Variants in FAM32A observed in about 807,000 individuals in gnomAD.
FAM32A encodes protein FAM32A.
Under a neutral mutation model 15.8 loss-of-function variants are expected in FAM32A, and 9 were observed. That is an observed-to-expected ratio of 0.57 (90% CI 0.34 to 1.00). FAM32A has a LOEUF of 1.00. Among genes scored for constraint, FAM32A ranks in the 50% least tolerant of loss-of-function variants. The pLI, the probability that FAM32A is intolerant of heterozygous loss-of-function variation, is 0.02. For synonymous variants in FAM32A, 64 were observed against 54.9 expected (o/e 1.16, Z -0.73); for missense variants, 113 against 138.3 (o/e 0.82, Z 0.92).
Position 16,185,621 on chromosome 19 carries a change from C to T in FAM32A, c.75-3C>T. Reference sequence around the variant, plus strand: ...CCCGCCGCCTCCTCATGTCTTTTTCCAGGAAGAAGAAAAAGAAGGACAAAG... The same window carrying T: ...CCCGCCGCCTCCTCATGTCTTTTTCTAGGAAGAAGAAAAAGAAGGACAAAG... On this transcript the variant is annotated splice_polypyrimidine_tract_variant and splice_region_variant and intron_variant, in intron 1 of 3. Coordinates refer to ENST00000263384, the MANE Select transcript of FAM32A (RefSeq NM_014077.4). The T allele has an allele frequency of 1.3e-6, 2 of 1,599,858 alleles. No homozygotes were observed. Among genetic ancestry groups the T allele is most frequent in the Non-Finnish European group, 1.7e-6 (2 of 1,172,926 alleles).
At chr19:16,190,634 G>A (rs2091402329) in intron 3 of FAM32A, 61 bp downstream of exon 3, 1 of 1,336,002 alleles carries the variant, frequency 7.5e-7, no homozygotes, top group African/African-American at 1.4e-5. Context: ...GGGCCCAGAG[G>A]CTATCAGCTG....
intron 2 of FAM32A, chr19:16,186,777 C>T (rs1020131900): frequency 2.6e-5 from 4 of 152,226 alleles, no homozygotes; most frequent in Non-Finnish European, 5.9e-5. Flanking sequence ...GTCTCCACCC[C>T]CCTAAACTCC....
intron 2 of FAM32A, among the ~76,000 whole-genome samples, chr19:16,189,668 CTTTTTTTTTTTTT>C (rs71178652): frequency 5.1e-5 from 3 of 58,554 alleles, no homozygotes; most frequent in African/African-American, 2.0e-4. Flanking sequence ...CACTCCAACT[CTTTTTTTTTTTTT>C]TTTTTTTTTT....
intron 2 of FAM32A, 22 bp downstream of exon 2, chr19:16,185,787 C>G (rs775492304): frequency 1.3e-6 from 2 of 1,542,824 alleles, no homozygotes; most frequent in African/African-American, 1.4e-5. Flanking sequence ...CAGAAGGCGG[C>G]GGGGAGGCGG....
chr19:16,189,668 C>CTTTTTTTTTTT lies in FAM32A; in HGVS notation c.217-836_217-826dup, dbSNP rs71178652. The stretch of plus-strand genomic sequence containing the variant: ...TGGCTTTATATCCCACACTCCAACT[C>CTTTTTTTTTTT]TTTTTTTTTTTTTTTTTTTTTTTTT... On this transcript the variant is annotated intron_variant, in intron 2 of 3. Coordinates refer to ENST00000263384, the MANE Select transcript of FAM32A (RefSeq NM_014077.4). 1.9e-4 allele frequency among the ~76,000 whole-genome samples: 11 copies of CTTTTTTTTTTT among 58,554 alleles called. 1 individual carries two copies. The highest frequency in any genetic ancestry group is 2.0e-4 in the African/African-American group (3 of 14,748). 38.4% of individuals were successfully genotyped at this position (58,554 alleles called of 152,430 possible).
At position 16,185,474 on chromosome 19, in the gene FAM32A, C is replaced by G; in HGVS notation, c.32C>G (p.Pro11Arg). 1.3e-6 allele frequency: 2 copies of G among 1,563,090 alleles called. No individual in the cohort carries two copies. Among genetic ancestry groups the G allele is most frequent in the Non-Finnish European group, 1.7e-6 (2 of 1,153,248 alleles). Residue 11 changes from proline (P) to arginine (R), a missense_variant, in exon 1 of 4, where the codon CCC (proline) becomes CGC (arginine). This residue lies in a region of FAM32A where 112 missense variants were observed against 118.6 expected (regional missense o/e 0.94). Coordinates refer to ENST00000263384, the MANE Select transcript of FAM32A (RefSeq NM_014077.4). Reference protein sequence around the residue: MEAYEQVQKGPLKLKGVAELG... With the variant: MEAYEQVQKGRLKLKGVAELG... Reference sequence around the variant, plus strand: ...GCCTACGAGCAGGTCCAAAAGGGACCCCTGAAGCTGAAAGGCGTCGCAGAG... The same window carrying G: ...GCCTACGAGCAGGTCCAAAAGGGACGCCTGAAGCTGAAAGGCGTCGCAGAG...
chr19:16,190,839 C>G, intron 3 of FAM32A, 48 bp from the exon 4 acceptor site: 1 of 1,499,338 alleles, frequency 6.7e-7, no homozygotes, highest in East Asian at 2.3e-5. Flanking sequence ...CTCCCCAGTA[C>G]CCCACTTGGG....
intron 1 of FAM32A, 25 bp from the exon 2 acceptor site, chr19:16,185,599 G>T: frequency 6.3e-7 from 1 of 1,596,674 alleles, no homozygotes; most frequent in East Asian, 2.2e-5. Context: ...CCTCCGACCC[G>T]CCGCCTCCTC....
At position 16,191,175 on chromosome 19, in the gene FAM32A, C is replaced by A. The variant is rs1402636063; in HGVS notation, c.*220C>A. On this transcript the variant is annotated 3_prime_UTR_variant, in exon 4 of 4. Coordinates refer to ENST00000263384, the MANE Select transcript of FAM32A (RefSeq NM_014077.4). ...GCTTCTTGGCAACATACAGAAGATA[C>A]ACCCTTTTCGTTTGGATGGAAAGTT... 4.9e-5 allele frequency: 27 copies of A among 550,778 alleles called. No individual in the cohort carries two copies. The highest frequency in any genetic ancestry group is 3.9e-5 in the Non-Finnish European group (12 of 304,530). The allele number at this position is 550,778 out of a possible 1,614,324, so 34.1% of individuals were successfully genotyped here.
At position 16,185,520 on chromosome 19, in the gene FAM32A, A is replaced by T. The variant is rs1330238484; in HGVS notation, c.74+4A>T. 4 of 1,566,634 alleles carry T rather than the reference A, an allele frequency of 2.6e-6. No individual in the cohort carries two copies. The highest frequency in any genetic ancestry group is 3.5e-6 in the Non-Finnish European group (4 of 1,155,004). Reference sequence around the variant, plus strand: ...CAGAGCTGGGAGTGACCAAGCGGTGAGGCCCGAGGGCCCGCGGGATTCCGT... The same window carrying T: ...CAGAGCTGGGAGTGACCAAGCGGTGTGGCCCGAGGGCCCGCGGGATTCCGT... On this transcript the variant is annotated splice_donor_region_variant and intron_variant, in intron 1 of 3. Transcript: ENST00000263384.
chr19:16,190,439 G>C (rs2091401490), intron 2 of FAM32A, 81 bp from the exon 3 acceptor site: 4 of 960,524 alleles, frequency 4.2e-6, no homozygotes, highest in Non-Finnish European at 6.5e-6. Flanking sequence ...AGCCAGTCTG[G>C]CCAGGCTCCA....
rs1175594365 is a variant in FAM32A, at chr19:16,191,639, C to T, written c.*684C>T. 5 of 152,664 alleles carry T rather than the reference C, an allele frequency of 3.3e-5. No individual in the cohort carries two copies. The East Asian group carries it at 9.6e-4, about 29-fold the overall frequency. 9.5% of individuals were successfully genotyped at this position (152,664 alleles called of 1,614,324 possible). A position where few individuals can be genotyped will look rare whatever the true frequency, so the allele number is the denominator to read the frequency against. On this transcript the variant is annotated 3_prime_UTR_variant, in exon 4 of 4. Transcript: ENST00000263384. Reference sequence around the variant, plus strand: ...GTTGCCATAGCAGACGCTGCTAATGCATCACAGCATTCTTTGAAATGGAAC... The same window carrying T: ...GTTGCCATAGCAGACGCTGCTAATGTATCACAGCATTCTTTGAAATGGAAC...
chr19:16,185,427 A>G lies in FAM32A; in HGVS notation c.-16A>G, dbSNP rs2091380567. ...GGAAGTGTGGCACTCCAGCTACCGA[A>G]GCACTGGAGAGTGTCATGGAGGCCT... On this transcript the variant is annotated 5_prime_UTR_variant, in exon 1 of 4. Transcript: ENST00000263384. The G allele has an allele frequency of 6.4e-7, 1 of 1,550,964 alleles. No homozygotes were observed. The highest frequency in any genetic ancestry group is 1.4e-5 in the African/African-American group (1 of 73,210).
intron 2 of FAM32A, among the ~76,000 whole-genome samples, chr19:16,187,784 T>G (rs1001848880): frequency 6.9e-6 from 1 of 144,554 alleles, no homozygotes; most frequent in Non-Finnish European, 1.5e-5. Flanking sequence ...CTCGCTCTGT[T>G]GTCCAGGCTG....
chr19:16,190,255 C>T (rs747521569), intron 2 of FAM32A, among the ~76,000 whole-genome samples: 3 of 152,118 alleles, frequency 2.0e-5, no homozygotes, highest in Non-Finnish European at 4.4e-5. Context: ...GGAAGCATGC[C>T]GACAGCTCCC....
chr19:16,189,963 C>T (rs1428806602), intron 2 of FAM32A, among the ~76,000 whole-genome samples: 5 of 152,050 alleles, frequency 3.3e-5, no homozygotes, highest in African/African-American at 1.2e-4. Flanking sequence ...GCCACCGCGC[C>T]CAGCCCACAC....
intron 2 of FAM32A, chr19:16,189,313 ATG>A (rs1183057445): frequency 6.6e-6 from 1 of 152,200 alleles, no homozygotes; most frequent in Non-Finnish European, 1.5e-5. Flanking sequence ...ATGAGCCGCC[ATG>A]CCCCACCTCT....
intron 2 of FAM32A, among the ~76,000 whole-genome samples, chr19:16,188,219 T>A (rs999050600): frequency 1.3e-5 from 2 of 151,932 alleles, no homozygotes; most frequent in Admixed American, 1.3e-4. Context: ...AGGTAACAGG[T>A]TTGGAATAGG....
chr19:16,188,408 A>G (rs571624753), intron 2 of FAM32A, among the ~76,000 whole-genome samples: 94 of 152,202 alleles, frequency 6.2e-4, no homozygotes, highest in Non-Finnish European at 9.4e-4. Flanking sequence ...GGGAGGGGGA[A>G]CCAAAGCTAT....
Sources: gnomAD v4.1 joint callset for allele counts (sites outside exome capture counted in the v4.1 genomes callset) on GRCh38, gnomAD v4.1.1 for gene constraint, gnomAD v4.1.1 regional missense constraint, MANE v1.5 for transcripts, NCBI Gene and HGNC (gene_info 2026-07-23, HGNC 2026-07-21) for gene names.